The following RFWD3 variants were observed in gnomAD, a reference collection of about 807,000 sequenced individuals.
The protein encoded by RFWD3 is E3 ubiquitin-protein ligase RFWD3.
A neutral mutation model predicts 87.7 loss-of-function variants in RFWD3; 65 were observed. That is an observed-to-expected ratio of 0.74 (90% CI 0.61 to 0.91). The LOEUF is 0.91. RFWD3 is among the 40% of genes least tolerant of loss of function. The pLI is 0.00. For synonymous variants in RFWD3, 433 were observed against 352.8 expected (o/e 1.23, Z -2.55); for missense variants, 1,078 against 938.5 (o/e 1.15, Z -1.94).
At chr16:74,632,816 T>C (rs1463029317) in intron 8 of RFWD3, 143 bp from the exon 9 acceptor site, 8 of 680,760 alleles carry the variant, frequency 1.2e-5, no homozygotes, top group East Asian at 8.4e-5. Flanking sequence ...AATTCTCTAG[T>C]GTTACAATTT....
chr16:74,662,455 T>C (rs1482172182), intron 1 of RFWD3, among the ~76,000 whole-genome samples: 1 of 152,212 alleles, frequency 6.6e-6, no homozygotes, highest in South Asian at 2.1e-4. Context: ...GTTTAGATTC[T>C]AGCAAGTAAG....
intron 1 of RFWD3, among the ~76,000 whole-genome samples, chr16:74,662,473 TAAAC>T (rs1257905726): frequency 1.3e-5 from 2 of 152,130 alleles, no homozygotes; most frequent in Non-Finnish European, 2.9e-5. Flanking sequence ...AAGATGTCAA[TAAAC>T]AAATACATGA....
intron 1 of RFWD3, among the ~76,000 whole-genome samples, chr16:74,663,576 A>G (rs1961630510): frequency 6.6e-6 from 1 of 152,202 alleles, no homozygotes; most frequent in South Asian, 2.1e-4. Flanking sequence ...AAGTACATAT[A>G]TGTATCTTTC....
intron 2 of RFWD3, among the ~76,000 whole-genome samples, chr16:74,660,378 G>A (rs1961328576): frequency 6.6e-6 from 1 of 152,152 alleles, no homozygotes; most frequent in African/African-American, 2.4e-5. Flanking sequence ...GCTTGAATCT[G>A]GGAGATGGAG....
intron 2 of RFWD3, 151 bp from the exon 3 acceptor site, chr16:74,652,273 G>A (rs1328268959): frequency 4.6e-6 from 3 of 653,320 alleles, no homozygotes; most frequent in East Asian, 2.7e-5. Flanking sequence ...TAGCAGATAA[G>A]GGGGGGAGAC....
rs1379578200 is a variant in RFWD3 at position 74,636,952 on chromosome 16, A to G, written c.1195-375T>C. The stretch of plus-strand genomic sequence containing the variant: ...GGTCTTGAACTCCTGACCTCAGGTG[A>G]TCCACCCGCCTCGGCCGCCCAAAGT... On this transcript the variant is annotated intron_variant, in intron 7 of 12. Transcript: ENST00000361070. 3.4e-4 allele frequency among the ~76,000 whole-genome samples: 51 copies of G among 151,828 alleles called. 1 individual carries two copies. The highest frequency in any genetic ancestry group is 3.4e-3 in the Admixed American group (51 of 15,212).
At chr16:74,640,145 ATTTTT>A (rs11358380) in intron 6 of RFWD3, among the ~76,000 whole-genome samples, 3 of 136,112 alleles carry the variant, frequency 2.2e-5, no homozygotes, top group Non-Finnish European at 4.7e-5. Flanking sequence ...TGGAAACTTA[ATTTTT>A]TTTTTTTTTT....
chr16:74,640,302 C>T (rs1323092561), intron 6 of RFWD3, among the ~76,000 whole-genome samples: 2 of 151,814 alleles, frequency 1.3e-5, no homozygotes, highest in Admixed American at 6.6e-5. Context: ...TGTGCCACCA[C>T]GCCCAGCTAA....
rs1463662408 is a variant in RFWD3 at position 74,660,985 on chromosome 16, T to C, written c.465A>G (p.Val155=). Residue 155 remains valine (V), a synonymous_variant, in exon 2 of 13, where the codon GTA becomes GTG. Transcript: ENST00000361070. ...CGGCTCTTGCCCTCCGTGAAGCAGA[T>C]ACCCTCCTTCTTGTTCTCATTGGCC... ...SVGPMRTRRR[V]SASRRARAGG... is the part of the protein sequence containing the mutation. The C allele has an allele frequency of 1.2e-6, 2 of 1,614,106 alleles. No homozygotes were observed. The highest frequency in any genetic ancestry group is 8.5e-7 in the Non-Finnish European group (1 of 1,180,050).
chr16:74,651,483 G>C (rs1193443025), intron 3 of RFWD3, among the ~76,000 whole-genome samples: 10 of 152,110 alleles, frequency 6.6e-5, no homozygotes, highest in Admixed American at 6.6e-4. Context: ...GCCAGGTGTG[G>C]TGGTGTGTGC....
Position 74,636,219 on chromosome 16 carries a change from C to G in RFWD3, c.1426+127G>C, listed in dbSNP as rs1048464896. On this transcript the variant is annotated intron_variant, in intron 8 of 12. Coordinates refer to ENST00000361070, the MANE Select transcript of RFWD3 (RefSeq NM_018124.4). ...TCTTTGCAGCACCCTGGGGTACTTG[C>G]ATTAACAAGGAACTAATAGGGAAAG... 6.4e-6 allele frequency: 5 copies of G among 780,532 alleles called. No individual in the cohort carries two copies. In the African/African-American group the frequency reaches 8.7e-5, roughly 14 times the overall value. The allele number at this position is 780,532 out of a possible 1,614,324, so 48.4% of individuals were successfully genotyped here. A position where few individuals can be genotyped will look rare whatever the true frequency, so the allele number is the denominator to read the frequency against.
At chr16:74,662,119 T>C in intron 1 of RFWD3, among the ~76,000 whole-genome samples, 1 of 151,998 alleles carries the variant, frequency 6.6e-6, no homozygotes, top group Non-Finnish European at 1.5e-5. Flanking sequence ...GTTTGAAAAC[T>C]ACCACCTAGT....
chr16:74,636,737 G>A (rs909651604), intron 7 of RFWD3, among the ~76,000 whole-genome samples, 160 bp from the exon 8 acceptor site: 8 of 150,026 alleles, frequency 5.3e-5, no homozygotes, highest in African/African-American at 1.5e-4. Flanking sequence ...TTTTTAAGAC[G>A]GAGTCTCACT....
intron 8 of RFWD3, among the ~76,000 whole-genome samples, chr16:74,633,856 GGAA>G (rs1959170717): frequency 6.6e-6 from 1 of 151,630 alleles, no homozygotes; most frequent in Admixed American, 6.6e-5. Flanking sequence ...AGGCTGAGGT[GGAA>G]GGATGACTTG....
intron 1 of RFWD3, chr16:74,665,411 C>A (rs898914990): frequency 6.6e-6 from 1 of 152,302 alleles, no homozygotes; most frequent in Non-Finnish European, 1.5e-5. Flanking sequence ...AACCCCGTCT[C>A]CACTAAAAAT....
Position 74,666,845 on chromosome 16 carries a change from G to GCCGAAGACTCGGTAGTTACATCC in RFWD3, c.-63_-62insGGATGTAACTACCGAGTCTTCGG. 6.6e-6 allele frequency: 1 copy of GCCGAAGACTCGGTAGTTACATCC among 150,974 alleles called. No homozygotes were observed. The highest frequency in any genetic ancestry group is 2.4e-5 in the African/African-American group (1 of 41,172). 9.4% of individuals were successfully genotyped at this position (150,974 alleles called of 1,614,324 possible). A position where few individuals can be genotyped will look rare whatever the true frequency, so the allele number is the denominator to read the frequency against. ...CCGCCGAAGACTCGGTAGTTACCTCGGCCGCACTCCGAATGCACCTACGCC... is the reference window on the plus strand; with the variant it reads ...CCGCCGAAGACTCGGTAGTTACCTCGCCGAAGACTCGGTAGTTACATCCGCCGCACTCCGAATGCACCTACGCC... On this transcript the variant is annotated 5_prime_UTR_variant, in exon 1 of 13. It adds an upstream start codon to the 5' untranslated region. Transcript: ENST00000361070.
chr16:74,629,422 G>C (rs374835291), intron 10 of RFWD3, among the ~76,000 whole-genome samples: 46 of 152,340 alleles, frequency 3.0e-4, no homozygotes, highest in African/African-American at 1.1e-3. Context: ...ACTTCGGGAA[G>C]CCGAGGTGGG....
Position 74,626,481 on chromosome 16 carries a change from G to A in RFWD3, c.2043C>T (p.Ile681=). ...SYRLDDTGNP[I]CSCQPVHTFF... ...ATGTATGTACAGGCTGGCAGGAGCA[G>A]ATTGGATTTCCAGTGTCATCCAGTC... is the stretch of plus-strand genomic sequence containing the variant. The change falls in exon 12 of 13, where the codon ATC becomes ATT. Residue 681 remains isoleucine (I), a synonymous_variant. Coordinates refer to ENST00000361070, the MANE Select transcript of RFWD3 (RefSeq NM_018124.4). The A allele has an allele frequency of 6.2e-7, 1 of 1,614,146 alleles. No individual in the cohort carries two copies. Among genetic ancestry groups the A allele is most frequent in the Non-Finnish European group, 8.5e-7 (1 of 1,180,014 alleles).
chr16:74,632,722 G>C (rs1567569308), intron 8 of RFWD3, 49 bp from the exon 9 acceptor site: 1 of 1,576,902 alleles, frequency 6.3e-7, no homozygotes, highest in South Asian at 1.1e-5. Context: ...GTGAACCTAG[G>C]GCAATTCAAA....
Sources: gnomAD v4.1 joint callset for allele counts (sites outside exome capture counted in the v4.1 genomes callset) on GRCh38, gnomAD v4.1.1 for gene constraint, MANE v1.5 for transcripts, NCBI Gene and HGNC (gene_info 2026-07-23, HGNC 2026-07-21) for gene names.